ANXA4: variants seen among roughly 807,000 people sequenced by gnomAD.
ANXA4 encodes the protein 35-beta calcimedin.
Under a neutral mutation model 49.8 loss-of-function variants are expected in ANXA4, and 39 were observed. That is an observed-to-expected ratio of 0.78 (90% confidence interval 0.61 to 1.02). The LOEUF (loss-of-function observed/expected upper bound fraction) is 1.02, where lower values mean the gene tolerates loss of function less well. ANXA4 is among the 50% of genes least tolerant of loss of function. ANXA4 has a pLI of 0.00. For synonymous variants in ANXA4, 134 were observed against 152.5 expected (o/e 0.88, Z 0.89); for missense variants, 360 against 410.1 (o/e 0.88, Z 1.05).
intron 1 of ANXA4, among the ~76,000 whole-genome samples, chr2:69,778,473 G>T (rs1672050732): frequency 1.3e-5 from 2 of 152,066 alleles, no homozygotes; most frequent in African/African-American, 4.8e-5. Context: ...ATGTATATCT[G>T]GCATTTAGAA....
chr2:69,823,836 A>G (rs1674348035), intron 12 of ANXA4, among the ~76,000 whole-genome samples: 1 of 152,216 alleles, frequency 6.6e-6, no homozygotes. Flanking sequence ...GGATATATTA[A>G]GATTGAGCTT....
At chr2:69,755,074 A>G (rs375319286) in intron 1 of ANXA4, among the ~76,000 whole-genome samples, 2 of 152,258 alleles carry the variant, frequency 1.3e-5, no homozygotes, top group South Asian at 4.1e-4. Flanking sequence ...ATGCTAAGTG[A>G]AATAATCCAG....
intron 3 of ANXA4, among the ~76,000 whole-genome samples, chr2:69,727,341 G>A (rs959616676): frequency 6.6e-6 from 1 of 152,194 alleles, no homozygotes; most frequent in African/African-American, 2.4e-5. Flanking sequence ...CTGTTTCTCA[G>A]TGTGGTTCTA....
intron 2 of ANXA4, among the ~76,000 whole-genome samples, chr2:69,707,599 T>C (rs774288911): frequency 2.0e-5 from 3 of 152,252 alleles, no homozygotes; most frequent in Non-Finnish European, 4.4e-5. Context: ...ATTTTAGTTT[T>C]TGTAGGTACA....
intron 2 of ANXA4, among the ~76,000 whole-genome samples, chr2:69,715,240 C>T (rs1037864006): frequency 6.6e-6 from 1 of 152,074 alleles, no homozygotes; most frequent in Non-Finnish European, 1.5e-5. Flanking sequence ...AATGGAGTCT[C>T]GCTCTGTCAC....
chr2:69,733,726 A>T (rs1670167678), intron 3 of ANXA4, among the ~76,000 whole-genome samples: 1 of 152,104 alleles, frequency 6.6e-6, no homozygotes, highest in Non-Finnish European at 1.5e-5. Flanking sequence ...AGATTTGTCC[A>T]TTTTTGGCCT....
intron 2 of ANXA4, among the ~76,000 whole-genome samples, chr2:69,699,424 G>C (rs1678262095): frequency 6.6e-6 from 1 of 152,086 alleles, no homozygotes; most frequent in African/African-American, 2.4e-5. Flanking sequence ...AGGATCACTT[G>C]AGCCCAGGAG....
chr2:69,686,847 G>T (rs1677807776), intron 2 of ANXA4, among the ~76,000 whole-genome samples: 1 of 152,196 alleles, frequency 6.6e-6, no homozygotes, highest in Non-Finnish European at 1.5e-5. Flanking sequence ...TGTGCACATG[G>T]GCTCTGGACC....
chr2:69,765,721 A>G (rs1307138193), intron 1 of ANXA4, among the ~76,000 whole-genome samples: 1 of 152,200 alleles, frequency 6.6e-6, no homozygotes, highest in Non-Finnish European at 1.5e-5. Flanking sequence ...CTAGTCTAAA[A>G]TCAATTGTGG....
At chr2:69,669,679 T>C (rs1677087620) in intron 2 of ANXA4, among the ~76,000 whole-genome samples, 1 of 152,128 alleles carries the variant, frequency 6.6e-6, no homozygotes, top group Non-Finnish European at 1.5e-5. Flanking sequence ...AGAGTGTCCA[T>C]GTACCTTCTA....
At chr2:69,756,313 G>C (rs1174149007) in intron 1 of ANXA4, among the ~76,000 whole-genome samples, 1 of 152,196 alleles carries the variant, frequency 6.6e-6, no homozygotes, top group Non-Finnish European at 1.5e-5. Context: ...GGTGGTGGCT[G>C]AGTTTAGTAG....
At chr2:69,660,475 G>A (rs1460698858) in intron 2 of ANXA4, among the ~76,000 whole-genome samples, 1 of 152,080 alleles carries the variant, frequency 6.6e-6, no homozygotes, top group Non-Finnish European at 1.5e-5. Context: ...AACAAAACAA[G>A]AGCACTGGAG....
In ANXA4 at chr2:69,745,085, G is replaced by A. The variant is rs933604836; in HGVS notation, c.-47+2910G>A. On this transcript the variant is annotated intron_variant, in intron 1 of 12. Coordinates refer to ENST00000394295, the MANE Select transcript of ANXA4 (RefSeq NM_001153.5). Reference sequence around the variant, plus strand: ...TGCACTCCAGCCTAGGTGACAGAGTGAGATCCTGTCTCTAAATAAAAAGAA... The same window carrying A: ...TGCACTCCAGCCTAGGTGACAGAGTAAGATCCTGTCTCTAAATAAAAAGAA... Among the ~76,000 whole-genome samples, 66 of 152,128 alleles carry A rather than the reference G, an allele frequency of 4.3e-4. 1 individual carries two copies. The highest frequency in any genetic ancestry group is 1.6e-3 in the African/African-American group (65 of 41,500).
intron 2 of ANXA4, among the ~76,000 whole-genome samples, chr2:69,709,960 A>G (rs557564977): frequency 7.0e-6 from 1 of 143,556 alleles, no homozygotes; most frequent in Admixed American, 7.0e-5. Context: ...ATCACTTATT[A>G]TGGCAGCATG....
At chr2:69,676,709 A>G (rs1315524852) in intron 2 of ANXA4, among the ~76,000 whole-genome samples, 2 of 152,178 alleles carry the variant, frequency 1.3e-5, no homozygotes, top group African/African-American at 4.8e-5. Flanking sequence ...CCTGGCCAAC[A>G]TGGTGAAACC....
At chr2:69,743,547 A>T (rs751189501) in intron 1 of ANXA4, among the ~76,000 whole-genome samples, 1 of 152,114 alleles carries the variant, frequency 6.6e-6, no homozygotes, top group Non-Finnish European at 1.5e-5. Context: ...GTTGCCAGGG[A>T]ATTCTCAGAC....
Position 69,659,943 on chromosome 2 carries a change from C to T in ANXA4, n.766+6661C>T, listed in dbSNP as rs188546826. On this transcript the variant is annotated intron_variant and non_coding_transcript_variant, in intron 2 of 3. Coordinates refer to the ANXA4 transcript ENST00000418066. ...TACCTAGGAATGAAGCACCTTAGTC[C>T]TGGGCCTGGTACAGACAGATAATCC... 3.3e-3 allele frequency among the ~76,000 whole-genome samples: 499 copies of T among 152,194 alleles called. 4 individuals carry two copies. Among genetic ancestry groups the T allele is most frequent in the African/African-American group, 0.012 (480 of 41,514 alleles).
intron 3 of ANXA4, among the ~76,000 whole-genome samples, chr2:69,789,121 A>G (rs1672558361): frequency 6.6e-6 from 1 of 152,208 alleles, no homozygotes; most frequent in South Asian, 2.1e-4. Context: ...TGGTGTGTAT[A>G]TGGTGCCACA....
chr2:69,644,178 C>G (rs867641909), upstream of ANXA4, among the ~76,000 whole-genome samples: 1,416 of 72,380 alleles, frequency 0.02, 243 homozygotes, highest in African/African-American at 0.061. Context: ...CCCCCCCCCC[C>G]CCCCGCTGTA....
Sources: gnomAD v4.1 joint callset for allele counts (sites outside exome capture counted in the v4.1 genomes callset) on GRCh38, gnomAD v4.1.1 for gene constraint, MANE v1.5 for transcripts, NCBI Gene and HGNC (gene_info 2026-07-23, HGNC 2026-07-21) for gene names.